The following CAMKMT variants were observed in gnomAD, a reference collection of about 807,000 sequenced individuals.
CAMKMT encodes calmodulin-lysine N-methyltransferase.
Under a neutral mutation model 48.0 loss-of-function variants are expected in CAMKMT, and 53 were observed. The ratio of observed to expected loss-of-function variants is 1.10; its 90% CI spans 0.89 to 1.39. The LOEUF is 1.39. Among genes scored for constraint, CAMKMT ranks in the 40% most tolerant of loss-of-function variants. CAMKMT has a pLI of 0.00. For synonymous variants in CAMKMT, 165 were observed against 152.3 expected (o/e 1.08, Z -0.61); for missense variants, 428 against 402.7 (o/e 1.06, Z -0.54).
chr2:44,475,607 G>A (rs559417883), intron 3 of CAMKMT, among the ~76,000 whole-genome samples: 43 of 152,104 alleles, frequency 2.8e-4, no homozygotes, highest in Non-Finnish European at 5.9e-4. Flanking sequence ...GAGCCACCGC[G>A]CCTGGCCTAT....
intron 2 of CAMKMT, among the ~76,000 whole-genome samples, chr2:44,378,508 G>T (rs1427376013): frequency 8.0e-6 from 1 of 125,222 alleles, no homozygotes; most frequent in Non-Finnish European, 1.8e-5. Context: ...TTGTTTGTTT[G>T]TTTTGAGACA....
intron 3 of CAMKMT, among the ~76,000 whole-genome samples, chr2:44,558,775 C>G (rs1044140345): frequency 1.3e-5 from 2 of 152,128 alleles, no homozygotes; most frequent in Non-Finnish European, 2.9e-5. Context: ...ACACTTGGGA[C>G]TCCTGGGGTG....
At chr2:44,670,496 A>G (rs1405228080) in intron 3 of CAMKMT, among the ~76,000 whole-genome samples, 1 of 152,006 alleles carries the variant, frequency 6.6e-6, no homozygotes, top group South Asian at 2.1e-4. Context: ...AAAAATAACA[A>G]TAAAAATTAG....
At chr2:44,499,858 C>G (rs146228405) in intron 3 of CAMKMT, among the ~76,000 whole-genome samples, 1 of 152,122 alleles carries the variant, frequency 6.6e-6, no homozygotes, top group East Asian at 1.9e-4. Context: ...ATAGTTCTTA[C>G]TTAGGAGTAG....
In CAMKMT at chr2:44,772,108, G is replaced by A. The variant is rs758118017; in HGVS notation, c.967G>A (p.Gly323Arg). The A allele has an allele frequency of 1.2e-6, 2 of 1,612,740 alleles. No homozygotes were observed. Among genetic ancestry groups the A allele is most frequent in the Non-Finnish European group, 1.7e-6 (2 of 1,179,156 alleles). The change falls in exon 11 of 11, where the codon GGA (glycine) becomes AGA (arginine). Residue 323 changes from glycine (G) to arginine (R), a missense_variant. Physicochemically the swap from Gly to Arg is moderately radical, Grantham distance 125. Coordinates refer to ENST00000378494, the MANE Select transcript of CAMKMT (RefSeq NM_024766.5). ...GCTTCTGCTTATTTTGACCAAACAT[G>A]GATAGAAGATTAAGCTTCTCAAAGA... ...YPLLLILTKH[G>R]
intron 3 of CAMKMT, among the ~76,000 whole-genome samples, chr2:44,629,139 G>A (rs79032733): frequency 0.016 from 2,409 of 152,076 alleles, 54 homozygotes; most frequent in African/African-American, 0.054. Context: ...TAATATATAC[G>A]TATGTGTCTA....
At chr2:44,385,698 T>A (rs535223447) in intron 2 of CAMKMT, among the ~76,000 whole-genome samples, 1 of 152,294 alleles carries the variant, frequency 6.6e-6, no homozygotes, top group African/African-American at 2.4e-5. Context: ...TGCTGGATTT[T>A]GTCGAATGCT....
chr2:44,694,723 T>A (rs960652956), intron 3 of CAMKMT, among the ~76,000 whole-genome samples: 1 of 152,222 alleles, frequency 6.6e-6, no homozygotes, highest in Non-Finnish European at 1.5e-5. Context: ...TTCTAAAGTC[T>A]GACAAATTCA....
intron 3 of CAMKMT, among the ~76,000 whole-genome samples, chr2:44,667,420 C>T (rs1341025943): frequency 1.3e-5 from 2 of 152,284 alleles, no homozygotes; most frequent in Non-Finnish European, 2.9e-5. Context: ...ACCTTGCCAC[C>T]TTCACACATT....
intron 3 of CAMKMT, among the ~76,000 whole-genome samples, chr2:44,394,158 A>G (rs1681605238): frequency 1.3e-5 from 2 of 152,122 alleles, no homozygotes; most frequent in Non-Finnish European, 1.5e-5. Flanking sequence ...CCTTTAAAGG[A>G]TAGGAGGTCA....
chr2:44,768,893 T>G (rs1680981348), intron 10 of CAMKMT, among the ~76,000 whole-genome samples: 1 of 152,194 alleles, frequency 6.6e-6, no homozygotes, highest in Non-Finnish European at 1.5e-5. Flanking sequence ...CCCTACTGTG[T>G]TGGAATAGAG....
intron 3 of CAMKMT, among the ~76,000 whole-genome samples, chr2:44,405,943 T>C (rs1682747530): frequency 6.6e-6 from 1 of 152,216 alleles, no homozygotes; most frequent in Non-Finnish European, 1.5e-5. Flanking sequence ...AATCTGTGCC[T>C]AAACTTTAAG....
chr2:44,689,268 A>ATTTT (rs1464409373), intron 3 of CAMKMT, among the ~76,000 whole-genome samples: 1 of 127,894 alleles, frequency 7.8e-6, no homozygotes, highest in Non-Finnish European at 1.6e-5. Context: ...ACTATTTTTT[A>ATTTT]TTTATTTATT....
intron 3 of CAMKMT, among the ~76,000 whole-genome samples, chr2:44,417,153 T>G (rs1369910122): frequency 1.3e-5 from 2 of 151,966 alleles, no homozygotes; most frequent in Non-Finnish European, 2.9e-5. Flanking sequence ...GGCCACACTT[T>G]GGGAGGCTGA....
intron 3 of CAMKMT, among the ~76,000 whole-genome samples, chr2:44,574,955 C>G (rs1036237672): frequency 3.3e-5 from 5 of 151,718 alleles, no homozygotes; most frequent in Non-Finnish European, 7.4e-5. Flanking sequence ...CAGGTTTTAC[C>G]CTGTTGGCCA....
chr2:44,491,441 G>A lies in CAMKMT; in HGVS notation c.376+101136G>A, dbSNP rs184109682. Among the ~76,000 whole-genome samples the A allele has an allele frequency of 5.3e-5, 8 of 152,204 alleles. No individual in the cohort carries two copies. The East Asian group carries it at 5.8e-4, about 11-fold the overall frequency. On this transcript the variant is annotated intron_variant, in intron 3 of 10. Transcript: ENST00000378494. The stretch of plus-strand genomic sequence containing the variant: ...TCATGTAGACCACTCCTACCATGCC[G>A]TACCTTTTGGTACACCATTGGCTTC...
intron 3 of CAMKMT, among the ~76,000 whole-genome samples, chr2:44,494,918 C>G (rs902808230): frequency 1.3e-5 from 2 of 152,178 alleles, no homozygotes; most frequent in Non-Finnish European, 2.9e-5. Flanking sequence ...TCTGTGAGCT[C>G]TTTCAAGGCA....
intron 3 of CAMKMT, among the ~76,000 whole-genome samples, chr2:44,563,528 G>T (rs1277691529): frequency 6.6e-6 from 1 of 151,728 alleles, no homozygotes; most frequent in Non-Finnish European, 1.5e-5. Context: ...CAACGTGCAG[G>T]TTTGTTACAT....
In CAMKMT at chr2:44,638,073, GAGAAAA is replaced by G. The variant is rs1305499423; in HGVS notation, c.377-66196_377-66191del. On this transcript the variant is annotated intron_variant, in intron 3 of 10. Coordinates refer to ENST00000378494, the MANE Select transcript of CAMKMT (RefSeq NM_024766.5). ...CCATCTCAAACCAAAAAAAAAAAAAGAGAAAAAGAAAAAGAAAAAAGAAAAGCCACC... is the reference window on the plus strand; with the variant it reads ...CCATCTCAAACCAAAAAAAAAAAAAGAGAAAAAGAAAAAAGAAAAGCCACC... Among the ~76,000 whole-genome samples the G allele has an allele frequency of 5.5e-5, 8 of 146,710 alleles. No homozygotes were observed. In the South Asian group the frequency reaches 6.5e-4, roughly 12 times the overall value.
Sources: gnomAD v4.1 joint callset for allele counts (sites outside exome capture counted in the v4.1 genomes callset) on GRCh38, gnomAD v4.1.1 for gene constraint, MANE v1.5 for transcripts, NCBI Gene and HGNC (gene_info 2026-07-23, HGNC 2026-07-21) for gene names.